The following ZC3H12B variants were observed in gnomAD, a reference collection of about 807,000 sequenced individuals.
ZC3H12B encodes zinc finger CCCH-type containing 12B.
In ZC3H12B, 7 loss-of-function variants were observed where a neutral mutation model predicts 43.9. The ratio of observed to expected loss-of-function variants is 0.16; its 90% CI spans 0.09 to 0.30. The LOEUF (loss-of-function observed/expected upper bound fraction) is 0.30, where lower values mean the gene tolerates loss of function less well. ZC3H12B is among the 10% of genes least tolerant of loss of function. The pLI is 1.00. For synonymous variants in ZC3H12B, 222 were observed against 241.7 expected (o/e 0.92, Z 0.76); for missense variants, 475 against 670.2 (o/e 0.71, Z 3.22).
chrX:65,121,739 G>A, the ZC3H12B span, among the ~76,000 whole-genome samples: 1 of 111,301 alleles, frequency 9.0e-6, no homozygotes, highest in African/African-American at 3.3e-5. Context: ...TAATTGTGAT[G>A]TTAAGGTGTC....
Position 65,417,128 on chromosome X carries a change from C to A in ZC3H12B, n.407+18424C>A, listed in dbSNP as rs190602589. On this transcript the variant is annotated intron_variant and non_coding_transcript_variant, in intron 3 of 5. Transcript: ENST00000617377. ...CCTACCTGGGGATTTTTCTAAAATG[C>A]ATATTCTGTTCGAATAGGTCTGGGG... Among the ~76,000 whole-genome samples the A allele has an allele frequency of 4.5e-5, 5 of 111,891 alleles. No homozygotes were observed. The Admixed American group carries it at 4.7e-4, about 11-fold the overall frequency.
chrX:65,139,546 A>C, the ZC3H12B span, among the ~76,000 whole-genome samples: 1 of 111,620 alleles, frequency 9.0e-6, no homozygotes, highest in South Asian at 3.7e-4. Flanking sequence ...ATTTTTGCTT[A>C]ACATTCGTTT....
chrX:65,341,281 A>T, the ZC3H12B span, among the ~76,000 whole-genome samples: 10 of 112,481 alleles, frequency 8.9e-5, no homozygotes, highest in South Asian at 3.7e-3. Flanking sequence ...CATGGAAAAC[A>T]TATTTCAGAA....
chrX:65,352,486 AG>A, the ZC3H12B span, among the ~76,000 whole-genome samples: 2 of 110,959 alleles, frequency 1.8e-5, no homozygotes, highest in Non-Finnish European at 3.8e-5. Context: ...AAAAAGAAAA[AG>A]AAAAAGAAAA....
At chrX:65,322,902 T>C in the ZC3H12B span, among the ~76,000 whole-genome samples, 1 of 112,035 alleles carries the variant, frequency 8.9e-6, no homozygotes, top group African/African-American at 3.2e-5. Context: ...TTTTTACTTC[T>C]TCAACTTTTT....
chrX:65,236,879 G>A, the ZC3H12B span, among the ~76,000 whole-genome samples: 8 of 111,711 alleles, frequency 7.2e-5, no homozygotes, highest in Non-Finnish European at 1.3e-4. Flanking sequence ...TTATTTCTGA[G>A]TTCTCTATTA....
At chrX:65,367,438 A>G in intron 1 of ZC3H12B, among the ~76,000 whole-genome samples, 1 of 111,847 alleles carries the variant, frequency 8.9e-6, no homozygotes, top group East Asian at 2.8e-4. Context: ...TCGCACATCT[A>G]ATAGAGAGTT....
chrX:65,170,809 C>T, the ZC3H12B span, among the ~76,000 whole-genome samples: 2 of 112,159 alleles, frequency 1.8e-5, no homozygotes, highest in African/African-American at 6.5e-5. Context: ...GATATCCTTG[C>T]TTCCTGTTGA....
chrX:65,066,534 C>G, the ZC3H12B span, among the ~76,000 whole-genome samples: 4 of 111,342 alleles, frequency 3.6e-5, no homozygotes, highest in Non-Finnish European at 7.5e-5. Context: ...GAGGTGCACC[C>G]ACCAGGTACT....
chrX:65,238,759 G>T, the ZC3H12B span, among the ~76,000 whole-genome samples: 1 of 112,119 alleles, frequency 8.9e-6, no homozygotes, highest in Non-Finnish European at 1.9e-5. Flanking sequence ...TGCTTTAGCT[G>T]CATCTCAGAT....
intron 3 of ZC3H12B, among the ~76,000 whole-genome samples, chrX:65,429,571 G>C (rs924362619): frequency 3.6e-5 from 4 of 112,505 alleles, no homozygotes; most frequent in African/African-American, 1.3e-4. Context: ...AGGGGGTGGG[G>C]GGCTTTCTCA....
chrX:65,229,857 A>G, the ZC3H12B span, among the ~76,000 whole-genome samples: 3 of 109,911 alleles, frequency 2.7e-5, no homozygotes, highest in Non-Finnish European at 5.7e-5. Context: ...ACCAGTTAGA[A>G]TGGCAGTCCT....
chrX:65,350,645 C>A, the ZC3H12B span, among the ~76,000 whole-genome samples: 1 of 112,046 alleles, frequency 8.9e-6, no homozygotes, highest in Middle Eastern at 4.6e-3. Flanking sequence ...GATACAAAAT[C>A]AATATGCAAA....
chrX:65,152,693 C>G, the ZC3H12B span, among the ~76,000 whole-genome samples: 2 of 111,342 alleles, frequency 1.8e-5, no homozygotes, highest in Non-Finnish European at 3.8e-5. Flanking sequence ...CCATCCCCAT[C>G]AAGCTACCAG....
chrX:65,162,367 A>T, the ZC3H12B span, among the ~76,000 whole-genome samples: 1 of 111,955 alleles, frequency 8.9e-6, no homozygotes, highest in African/African-American at 3.2e-5. Context: ...AGTGTTTTCC[A>T]ACTTCGTTCC....
At chrX:65,460,377 C>G (rs929099414) in intron 3 of ZC3H12B, among the ~76,000 whole-genome samples, 2 of 111,687 alleles carry the variant, frequency 1.8e-5, no homozygotes, top group African/African-American at 6.5e-5. Context: ...TCATATGGAA[C>G]CAAAAAACAG....
chrX:65,127,691 C>A, the ZC3H12B span, among the ~76,000 whole-genome samples: 1 of 110,809 alleles, frequency 9.0e-6, no homozygotes, highest in Non-Finnish European at 1.9e-5. Flanking sequence ...TTGGGCATGG[C>A]TTTCTGTGGC....
At chrX:65,176,243 T>G in the ZC3H12B span, among the ~76,000 whole-genome samples, 18 of 111,233 alleles carry the variant, frequency 1.6e-4, no homozygotes, top group South Asian at 6.5e-3. Flanking sequence ...AGTAGGCAGT[T>G]TTCTCCTCAC....
At chrX:65,379,568 A>G (rs994150256) in intron 2 of ZC3H12B, among the ~76,000 whole-genome samples, 6 of 112,617 alleles carry the variant, frequency 5.3e-5, no homozygotes, top group Non-Finnish European at 3.7e-5. Context: ...CTCCAAAGGA[A>G]CGCAGTTCCT....
Sources: gnomAD v4.1 joint callset for allele counts (sites outside exome capture counted in the v4.1 genomes callset) on GRCh38, gnomAD v4.1.1 for gene constraint, MANE v1.5 for transcripts, NCBI Gene and HGNC (gene_info 2026-07-23, HGNC 2026-07-21) for gene names.